FAM168A: variants seen among roughly 807,000 people sequenced by gnomAD.
FAM168A encodes protein FAM168A.
A neutral mutation model predicts 28.5 loss-of-function variants in FAM168A; 3 were observed. The observed-to-expected ratio is 0.11, with a 90% confidence interval of 0.05 to 0.27. FAM168A has a LOEUF of 0.27. Among genes scored for constraint, FAM168A ranks in the 10% least tolerant of loss-of-function variants. FAM168A has a pLI of 1.00. For synonymous variants in FAM168A, 122 were observed against 124.2 expected, an observed-to-expected ratio of 0.98 and a Z score of 0.12; for missense variants, 222 against 311.5, an observed-to-expected ratio of 0.71 and a Z score of 2.16.
intron 4 of FAM168A, among the ~76,000 whole-genome samples, chr11:73,416,928 A>C (rs1866703860): frequency 6.6e-6 from 1 of 152,048 alleles, no homozygotes; most frequent in Non-Finnish European, 1.5e-5. Context: ...CCTGAGTGAC[A>C]GAGCAAGACC....
At chr11:73,420,860 T>C (rs2134497096) in intron 3 of FAM168A, 1 of 152,766 alleles carries the variant, frequency 6.5e-6, no homozygotes, top group Non-Finnish European at 1.5e-5. Context: ...TCATATGTTT[T>C]AGAAATGGGG....
chr11:73,559,520 A>G (rs1456607857), intron 1 of FAM168A, among the ~76,000 whole-genome samples: 1 of 152,220 alleles, frequency 6.6e-6, no homozygotes, highest in Non-Finnish European at 1.5e-5. Context: ...TTCTGAGTGA[A>G]AGAAGCCAGA....
Position 73,405,103 on chromosome 11 carries a change from CCTCCT to C in FAM168A, c.*1655_*1659del, listed in dbSNP as rs1290301855. On this transcript the variant is annotated 3_prime_UTR_variant, in exon 8 of 8. Transcript: ENST00000356467. ...CTCTCCTGATGACTCCCACTGTCTTCCTCCTCTTCCTCTCCTCTCGGGATGAGGGG... is the reference window on the plus strand; with the variant it reads ...CTCTCCTGATGACTCCCACTGTCTTCCTTCCTCTCCTCTCGGGATGAGGGG... 6.6e-6 allele frequency: 1 copy of C among 152,346 alleles called. No homozygotes were observed. Among genetic ancestry groups the C allele is most frequent in the African/African-American group, 2.4e-5 (1 of 41,460 alleles). The allele number at this position is 152,346 out of a possible 1,614,324, so 9.4% of individuals were successfully genotyped here.
At chr11:73,507,818 C>T (rs1855143936) in intron 1 of FAM168A, among the ~76,000 whole-genome samples, 1 of 152,106 alleles carries the variant, frequency 6.6e-6, no homozygotes, top group Admixed American at 6.5e-5. Flanking sequence ...GGATGCGAAA[C>T]CAGCATATAT....
In FAM168A at chr11:73,499,047, C is replaced by T. The variant is rs149237148; in HGVS notation, c.-18-30555G>A. Among the ~76,000 whole-genome samples the T allele has an allele frequency of 6.9e-3, 1,050 of 152,272 alleles. 10 individuals carry two copies. Among genetic ancestry groups the T allele is most frequent in the African/African-American group, 0.022 (916 of 41,540 alleles). The stretch of plus-strand genomic sequence containing the variant: ...ATTAAACAGGTGCTGCTCCCCGTGC[C>T]ACCCAAGACCCTTCGACAGGGTTGT... On this transcript the variant is annotated intron_variant, in intron 1 of 7. Coordinates refer to ENST00000356467, the MANE Select transcript of FAM168A (RefSeq NM_015159.3).
At position 73,401,134 on chromosome 11, in the gene FAM168A, A is replaced by G; in HGVS notation, c.*5629T>C. ...TATTTTAAATTTTATTTCTTTTTAA[A>G]ATGTGAGTTCCAATAAAATTTAAAA... On this transcript the variant is annotated 3_prime_UTR_variant, in exon 8 of 8. Coordinates refer to ENST00000356467, the MANE Select transcript of FAM168A (RefSeq NM_015159.3). 1 of 150,498 alleles carries G rather than the reference A, an allele frequency of 6.6e-6. No individual in the cohort carries two copies. The highest frequency in any genetic ancestry group is 2.1e-4 in the South Asian group (1 of 4,798). 9.3% of individuals were successfully genotyped at this position (150,498 alleles called of 1,614,324 possible).
intron 1 of FAM168A, among the ~76,000 whole-genome samples, chr11:73,591,888 T>C (rs1019225121): frequency 3.3e-5 from 5 of 152,184 alleles, no homozygotes; most frequent in Non-Finnish European, 5.9e-5. Context: ...ATATATAAAA[T>C]GGCGCCATTA....
At chr11:73,475,250 T>C (rs1178995808) in intron 1 of FAM168A, among the ~76,000 whole-genome samples, 1 of 152,178 alleles carries the variant, frequency 6.6e-6, no homozygotes, top group African/African-American at 2.4e-5. Flanking sequence ...ACTAAAATGG[T>C]AAAATTCTTT....
chr11:73,513,211 T>C (rs919617972), intron 1 of FAM168A, among the ~76,000 whole-genome samples: 1 of 141,484 alleles, frequency 7.1e-6, no homozygotes, highest in East Asian at 2.0e-4. Flanking sequence ...TTTAATTTTT[T>C]TTTTTTTTTT....
chr11:73,558,876 G>A (rs568339067), intron 1 of FAM168A, among the ~76,000 whole-genome samples: 114 of 152,310 alleles, frequency 7.5e-4, no homozygotes, highest in Middle Eastern at 6.8e-3. Flanking sequence ...CAGCCATTAT[G>A]GAAAAGTCTG....
chr11:73,457,219 C>T (rs1219119458), intron 2 of FAM168A, among the ~76,000 whole-genome samples: 1 of 141,068 alleles, frequency 7.1e-6, no homozygotes, highest in East Asian at 1.9e-4. Flanking sequence ...GAGATCCCTT[C>T]TTTAATTTTT....
intron 4 of FAM168A, among the ~76,000 whole-genome samples, chr11:73,417,614 C>G (rs1452566971): frequency 7.0e-6 from 1 of 143,110 alleles, no homozygotes; most frequent in African/African-American, 2.6e-5. Context: ...GGCTGTAGTG[C>G]AATGGCGCAA....
chr11:73,526,424 G>A (rs1392251439), intron 1 of FAM168A, among the ~76,000 whole-genome samples: 1 of 152,152 alleles, frequency 6.6e-6, no homozygotes, highest in Non-Finnish European at 1.5e-5. Flanking sequence ...TCTTGTGCCT[G>A]AGTTCTAATT....
At chr11:73,496,542 T>C (rs1854879566) in intron 1 of FAM168A, among the ~76,000 whole-genome samples, 1 of 152,170 alleles carries the variant, frequency 6.6e-6, no homozygotes, top group African/African-American at 2.4e-5. Flanking sequence ...TTTATGTTAT[T>C]TTTTGTTTGT....
chr11:73,411,858 T>G (rs1302364208), intron 4 of FAM168A, among the ~76,000 whole-genome samples: 1 of 152,186 alleles, frequency 6.6e-6, no homozygotes, highest in Non-Finnish European at 1.5e-5. Flanking sequence ...GAGCTGTCTG[T>G]GTGAAATGGG....
chr11:73,506,817 T>C (rs1185910385), intron 1 of FAM168A, among the ~76,000 whole-genome samples: 4 of 152,200 alleles, frequency 2.6e-5, no homozygotes, highest in East Asian at 1.9e-4. Context: ...TAAGTACTAA[T>C]AGTAAATCAG....
chr11:73,442,989 T>C (rs1446306704), intron 2 of FAM168A, among the ~76,000 whole-genome samples: 1 of 125,574 alleles, frequency 8.0e-6, no homozygotes, highest in African/African-American at 3.2e-5. Context: ...TATATATATA[T>C]ATATATATGC....
intron 1 of FAM168A, among the ~76,000 whole-genome samples, chr11:73,506,293 C>G (rs1855113652): frequency 6.6e-6 from 1 of 151,984 alleles, no homozygotes; most frequent in Non-Finnish European, 1.5e-5. Context: ...CCTACTGAAT[C>G]TGATCTAATC....
At chr11:73,559,746 C>G (rs1321772407) in intron 1 of FAM168A, among the ~76,000 whole-genome samples, 1 of 152,126 alleles carries the variant, frequency 6.6e-6, no homozygotes, top group Non-Finnish European at 1.5e-5. Context: ...GTATTAAATG[C>G]CACTAAATTG....
Sources: gnomAD v4.1 joint callset for allele counts (sites outside exome capture counted in the v4.1 genomes callset) on GRCh38, gnomAD v4.1.1 for gene constraint, MANE v1.5 for transcripts, NCBI Gene and HGNC (gene_info 2026-07-23, HGNC 2026-07-21) for gene names.